ACYP2: variants seen among roughly 807,000 people sequenced by gnomAD.
ACYP2 encodes acylphosphatase-2.
A neutral mutation model predicts 11.2 loss-of-function variants in ACYP2; 12 were observed. That is an observed-to-expected ratio of 1.08 (90% CI 0.69 to 1.74). ACYP2 has a LOEUF of 1.74. Ranked by LOEUF, ACYP2 falls within the 40% of genes most tolerant of loss-of-function variation. The pLI is 0.00. For missense variants in ACYP2, 134 were observed against 101.9 expected, an observed-to-expected ratio of 1.31 and a Z score of -1.35; for synonymous variants, 43 against 32.2, an observed-to-expected ratio of 1.33 and a Z score of -1.13.
chr2:54,255,295 C>A lies in ACYP2; in HGVS notation c.405-49393C>A, dbSNP rs553424940. ...AAACTTGCAGCCTGTCCTAGGGTGTCTGAGCTCCTTCACTTCCAAATTGGT... is the reference window on the plus strand; with the variant it reads ...AAACTTGCAGCCTGTCCTAGGGTGTATGAGCTCCTTCACTTCCAAATTGGT... On this transcript the variant is annotated intron_variant, in intron 6 of 6. Coordinates refer to ENST00000607452, the MANE Select transcript of ACYP2 (RefSeq NM_001320586.2). The A allele has an allele frequency of 3.7e-4, 594 of 1,614,168 alleles. 7 individuals are homozygous for A. The South Asian group carries it at 6.3e-3, about 17-fold the overall frequency.
chr2:53,976,368 C>T (rs190860298), intron 2 of ACYP2, among the ~76,000 whole-genome samples: 210 of 152,204 alleles, frequency 1.4e-3, no homozygotes, highest in Admixed American at 5.0e-3. Flanking sequence ...CTACCATGTC[C>T]GGCTAATTTT....
At chr2:54,210,009 C>T (rs182228995) in intron 6 of ACYP2, among the ~76,000 whole-genome samples, 9 of 151,900 alleles carry the variant, frequency 5.9e-5, no homozygotes, top group Admixed American at 5.2e-4. Context: ...GGCATGGTGG[C>T]GGGCACTTGT....
At chr2:54,051,664 A>G in intron 3 of ACYP2, 1 of 711,354 alleles carries the variant, frequency 1.4e-6, no homozygotes. Flanking sequence ...TGAAGGAAAA[A>G]TATGAAAGGA....
intron 4 of ACYP2, chr2:54,065,730 T>C (rs1676710123): frequency 2.6e-6 from 1 of 384,158 alleles, no homozygotes; most frequent in Non-Finnish European, 4.6e-6. Flanking sequence ...GAAAGTGATA[T>C]GAAGCATCTC....
At chr2:54,011,433 T>C (rs181773450) in intron 2 of ACYP2, among the ~76,000 whole-genome samples, 5 of 152,330 alleles carry the variant, frequency 3.3e-5, no homozygotes, top group Admixed American at 6.5e-5. Flanking sequence ...CTTCCATTCT[T>C]AGATTTGTGT....
chr2:54,185,489 C>G lies in ACYP2; in HGVS notation c.404+46741C>G, dbSNP rs549583703. 3.2e-4 allele frequency among the ~76,000 whole-genome samples: 49 copies of G among 152,198 alleles called. 1 individual carries two copies. The highest frequency in any genetic ancestry group is 5.6e-4 in the Non-Finnish European group (38 of 68,012). On this transcript the variant is annotated intron_variant, in intron 6 of 6. Transcript: ENST00000607452. ...TGCCAACAAATCTCTATTGTTTAAGCCTCTTGGAATTGAGCTTTTGGTTAT... is the reference window on the plus strand; with the variant it reads ...TGCCAACAAATCTCTATTGTTTAAGGCTCTTGGAATTGAGCTTTTGGTTAT...
At chr2:54,015,823 A>C (rs1188799351) in intron 2 of ACYP2, among the ~76,000 whole-genome samples, 4 of 152,104 alleles carry the variant, frequency 2.6e-5, no homozygotes, top group East Asian at 1.9e-4. Context: ...AGTAGATTAC[A>C]CTGAGTTGTC....
At chr2:54,279,699 C>G (rs1417801132) in intron 6 of ACYP2, among the ~76,000 whole-genome samples, 1 of 152,158 alleles carries the variant, frequency 6.6e-6, no homozygotes, top group Non-Finnish European at 1.5e-5. Flanking sequence ...CCCCACTTCA[C>G]ACACTTAATG....
intron 6 of ACYP2, among the ~76,000 whole-genome samples, chr2:54,277,146 G>T (rs543807077): frequency 1.3e-5 from 2 of 152,260 alleles, no homozygotes; most frequent in South Asian, 4.1e-4. Flanking sequence ...AATTTTAGGA[G>T]CAGGATCGCT....
intron 3 of ACYP2, among the ~76,000 whole-genome samples, chr2:54,054,547 G>C (rs998612917): frequency 6.6e-6 from 1 of 152,186 alleles, no homozygotes; most frequent in East Asian, 1.9e-4. Flanking sequence ...CTTAGCTGTG[G>C]TTTGAAGTCT....
intron 4 of ACYP2, among the ~76,000 whole-genome samples, chr2:54,064,191 G>C (rs1438268438): frequency 1.3e-5 from 2 of 152,034 alleles, no homozygotes; most frequent in African/African-American, 2.4e-5. Context: ...ACCCCTTCTT[G>C]AGTATGGGGA....
At chr2:54,027,462 CCAT>C (rs1674345831) in intron 2 of ACYP2, among the ~76,000 whole-genome samples, 1 of 152,182 alleles carries the variant, frequency 6.6e-6, no homozygotes, top group Admixed American at 6.5e-5. Context: ...TGTTACCATT[CCAT>C]CATACCTTTT....
intron 6 of ACYP2, among the ~76,000 whole-genome samples, chr2:54,287,928 T>TCATCAG (rs1027233702): frequency 6.6e-6 from 1 of 152,006 alleles, no homozygotes; most frequent in Non-Finnish European, 1.5e-5. Context: ...GAACATTCCC[T>TCATCAG]CATCAGCACG....
At position 54,087,012 on chromosome 2, in the gene ACYP2, T is replaced by C. The variant is rs145318992; in HGVS notation, c.277+29652T>C. 1.1e-3 allele frequency among the ~76,000 whole-genome samples: 165 copies of C among 152,308 alleles called. 2 individuals carry two copies. In the East Asian group the frequency reaches 0.027, roughly 25 times the overall value. On this transcript the variant is annotated intron_variant, in intron 4 of 6. Coordinates refer to ENST00000607452, the MANE Select transcript of ACYP2 (RefSeq NM_001320586.2). Reference sequence around the variant, plus strand: ...GGCAACTAGTAGAGCTATTTTAAAATAATTATAGATTAACGTTTTCTACTA... The same window carrying C: ...GGCAACTAGTAGAGCTATTTTAAAACAATTATAGATTAACGTTTTCTACTA...
intron 4 of ACYP2, among the ~76,000 whole-genome samples, chr2:54,126,378 C>T (rs1680502173): frequency 6.6e-6 from 1 of 152,126 alleles, no homozygotes; most frequent in Admixed American, 6.5e-5. Flanking sequence ...CCTTGATGGA[C>T]AACCTAAGTC....
At chr2:54,038,375 A>G (rs1558487245) in intron 2 of ACYP2, among the ~76,000 whole-genome samples, 1 of 151,862 alleles carries the variant, frequency 6.6e-6, no homozygotes, top group Non-Finnish European at 1.5e-5. Context: ...AATATATCTT[A>G]CTTTCCACTA....
At chr2:54,201,694 CTCTCTTTT>C in intron 6 of ACYP2, among the ~76,000 whole-genome samples, 1 of 140,812 alleles carries the variant, frequency 7.1e-6, no homozygotes, top group Admixed American at 7.3e-5. Context: ...CTCTCTCTCT[CTCTCTTTT>C]TTCTTTTCTT....
At chr2:54,059,842 G>C (rs981245723) in intron 4 of ACYP2, among the ~76,000 whole-genome samples, 2 of 152,152 alleles carry the variant, frequency 1.3e-5, no homozygotes, top group African/African-American at 2.4e-5. Context: ...TAGAGTTCTA[G>C]GATGAAAATA....
intron 2 of ACYP2, among the ~76,000 whole-genome samples, chr2:54,000,055 A>C (rs1047225568): frequency 3.3e-5 from 5 of 151,984 alleles, no homozygotes; most frequent in Non-Finnish European, 5.9e-5. Flanking sequence ...TTGGACAGAA[A>C]TTATATTAAT....
Sources: allele counts gnomAD v4.1 joint callset (sites outside exome capture counted in the v4.1 genomes callset), GRCh38; gene constraint gnomAD v4.1.1; transcripts MANE v1.5; gene names NCBI Gene and HGNC (gene_info 2026-07-23, HGNC 2026-07-21).